The following DTNA variants were observed in gnomAD, a reference collection of about 807,000 sequenced individuals.
DTNA encodes the protein dystrobrevin alpha.
DTNA carries 43 observed loss-of-function variants against 100.7 expected under a neutral mutation model. The ratio of observed to expected loss-of-function variants is 0.43; its 90% CI spans 0.33 to 0.55. DTNA has a LOEUF of 0.55. DTNA is among the 20% of genes least tolerant of loss of function. The pLI is 0.04. For synonymous variants in DTNA, 349 were observed against 347.9 expected, an observed-to-expected ratio of 1.00 and a Z score of -0.04; for missense variants, 798 against 953.9, an observed-to-expected ratio of 0.84 and a Z score of 2.15.
chr18:34,738,424 G>A (rs1279414275), intron 1 of DTNA, among the ~76,000 whole-genome samples: 2 of 152,180 alleles, frequency 1.3e-5, no homozygotes, highest in Non-Finnish European at 2.9e-5. Context: ...AGGAGCCTCA[G>A]AAACAAAGCA....
At chr18:34,680,942 G>A (rs918972563) in intron 1 of DTNA, among the ~76,000 whole-genome samples, 3 of 152,014 alleles carry the variant, frequency 2.0e-5, no homozygotes, top group Admixed American at 1.3e-4. Context: ...TCCAGCCAGA[G>A]CCTCTCCTCC....
chr18:34,867,108 A>T (rs911067878), intron 17 of DTNA: 4 of 1,231,162 alleles, frequency 3.2e-6, no homozygotes, highest in African/African-American at 3.1e-5. Context: ...ATTATTTAAA[A>T]GTTTCACATT....
chr18:34,498,186 C>T (rs768685746), intron 1 of DTNA, among the ~76,000 whole-genome samples: 12 of 151,988 alleles, frequency 7.9e-5, no homozygotes, highest in Admixed American at 5.9e-4. Context: ...GAGGCTTAAG[C>T]GGGCAGATCA....
intron 21 of DTNA, 32 bp from the exon 22 acceptor site, chr18:34,884,696 C>T: frequency 1.9e-6 from 3 of 1,613,954 alleles, no homozygotes; most frequent in South Asian, 1.1e-5. Context: ...TGACGTGTCA[C>T]CTTTCTCGTT....
chr18:34,838,238 C>T (rs1009414393), intron 12 of DTNA, 67 bp downstream of exon 12: 18 of 1,550,748 alleles, frequency 1.2e-5, no homozygotes, highest in Non-Finnish European at 1.6e-5. Flanking sequence ...TTTCTTTTGT[C>T]AAAAATGCTT....
chr18:34,551,454 AG>A (rs2045405101), intron 1 of DTNA, among the ~76,000 whole-genome samples: 1 of 152,110 alleles, frequency 6.6e-6, no homozygotes, highest in Non-Finnish European at 1.5e-5. Flanking sequence ...GCAGCCAGAA[AG>A]GCTTTTTGTT....
Position 34,889,973 on chromosome 18 carries a change from C to A in DTNA, c.*2239C>A. 7 of 1,123,044 alleles carry A rather than the reference C, an allele frequency of 6.2e-6. No individual in the cohort carries two copies. The highest frequency in any genetic ancestry group is 4.5e-5 in the Admixed American group (1 of 22,256). The allele number at this position is 1,123,044 out of a possible 1,614,324, so 69.6% of individuals were successfully genotyped here. A position where few individuals can be genotyped will look rare whatever the true frequency, so the allele number is the denominator to read the frequency against. The stretch of plus-strand genomic sequence containing the variant: ...GGTGCCTCATACTCAGTATTGAAAA[C>A]CACTACATCCCAGCTACCTATAATG... On this transcript the variant is annotated 3_prime_UTR_variant, in exon 23 of 23. Coordinates refer to ENST00000444659, the MANE Select transcript of DTNA (RefSeq NM_001386795.1).
intron 20 of DTNA, among the ~76,000 whole-genome samples, chr18:34,881,047 TACCA>T (rs2096866936): frequency 6.6e-6 from 1 of 152,194 alleles, no homozygotes; most frequent in South Asian, 2.1e-4. Context: ...CAGTACCAGC[TACCA>T]ACATGTGACT....
At chr18:34,854,120 G>A (rs2096524635) in intron 15 of DTNA, among the ~76,000 whole-genome samples, 1 of 152,202 alleles carries the variant, frequency 6.6e-6, no homozygotes, top group South Asian at 2.1e-4. Flanking sequence ...GCTTGTGTGA[G>A]TATTGATGAC....
intron 1 of DTNA, among the ~76,000 whole-genome samples, chr18:34,702,048 C>G (rs1428223328): frequency 6.6e-6 from 1 of 151,776 alleles, no homozygotes; most frequent in Non-Finnish European, 1.5e-5. Context: ...TTCAGAATCC[C>G]TAACATGGGC....
chr18:34,662,739 T>C (rs1334087823), intron 1 of DTNA: 6 of 152,224 alleles, frequency 3.9e-5, no homozygotes. Context: ...ATCTGTTGAG[T>C]TGACAGTTGT....
chr18:34,851,687 G>T (rs1568773225), intron 14 of DTNA, 144 bp from the exon 15 acceptor site: 1 of 916,596 alleles, frequency 1.1e-6, no homozygotes. Flanking sequence ...GAGAAAAATG[G>T]CAATTGAATT....
chr18:34,546,742 ATTTTC>A (rs2044820477), intron 1 of DTNA, among the ~76,000 whole-genome samples: 1 of 151,208 alleles, frequency 6.6e-6, no homozygotes, highest in South Asian at 2.1e-4. Flanking sequence ...TTTTTTTGTA[ATTTTC>A]TTTCTTTCTT....
At chr18:34,828,539 C>T (rs1181870783) in intron 10 of DTNA, among the ~76,000 whole-genome samples, 1 of 152,160 alleles carries the variant, frequency 6.6e-6, no homozygotes, top group African/African-American at 2.4e-5. Context: ...GTGCCAGTTT[C>T]ACTGTAATAT....
At chr18:34,590,135 T>C (rs924899895) in intron 1 of DTNA, among the ~76,000 whole-genome samples, 2 of 152,218 alleles carry the variant, frequency 1.3e-5, no homozygotes, top group African/African-American at 4.8e-5. Flanking sequence ...GATTGCTGGG[T>C]ATATTTTTAA....
At chr18:34,740,335 G>A (rs753331099) in intron 1 of DTNA, among the ~76,000 whole-genome samples, 1 of 151,900 alleles carries the variant, frequency 6.6e-6, no homozygotes, top group Non-Finnish European at 1.5e-5. Flanking sequence ...AGTACCCCCT[G>A]GGAAAAAGGC....
chr18:34,838,563 G>A (rs369767470), intron 12 of DTNA, among the ~76,000 whole-genome samples, 182 bp from the exon 13 acceptor site: 1 of 152,080 alleles, frequency 6.6e-6, no homozygotes, highest in Non-Finnish European at 1.5e-5. Context: ...TAGTGAAATC[G>A]AATTGTGGAT....
chr18:34,654,049 G>T (rs956471978), intron 1 of DTNA, among the ~76,000 whole-genome samples: 26 of 152,164 alleles, frequency 1.7e-4, no homozygotes, highest in African/African-American at 5.6e-4. Flanking sequence ...TGAGAGGAAG[G>T]CTTGGGACAG....
intron 1 of DTNA, among the ~76,000 whole-genome samples, chr18:34,751,123 A>C (rs908666469): frequency 3.3e-5 from 5 of 152,220 alleles, no homozygotes; most frequent in African/African-American, 2.4e-5. Flanking sequence ...AAATTCATTA[A>C]TGCCATGGGG....
Sources: gnomAD v4.1 joint callset for allele counts (sites outside exome capture counted in the v4.1 genomes callset) on GRCh38, gnomAD v4.1.1 for gene constraint, MANE v1.5 for transcripts, NCBI Gene and HGNC (gene_info 2026-07-23, HGNC 2026-07-21) for gene names.